ADAM20: variants seen among roughly 807,000 people sequenced by gnomAD.
ADAM20 encodes disintegrin and metalloproteinase domain-containing protein 20.
For synonymous variants in ADAM20, 305 were observed against 310.2 expected, an observed-to-expected ratio of 0.98 and a Z score of 0.18; for missense variants, 871 against 883.2, an observed-to-expected ratio of 0.99 and a Z score of 0.18.
the ADAM20 span, among the ~76,000 whole-genome samples, chr14:70,540,268 C>T: frequency 6.6e-6 from 1 of 152,234 alleles, no homozygotes; most frequent in Admixed American, 6.5e-5. Context: ...ATTGGATCTT[C>T]TTCTGGTTGT....
At chr14:70,562,243 T>C in the ADAM20 span, among the ~76,000 whole-genome samples, 1 of 152,274 alleles carries the variant, frequency 6.6e-6, no homozygotes, top group Non-Finnish European at 1.5e-5. Flanking sequence ...ATTTAATGAC[T>C]GCCCTATTGG....
At chr14:70,567,086 C>T in the ADAM20 span, among the ~76,000 whole-genome samples, 1 of 152,178 alleles carries the variant, frequency 6.6e-6, no homozygotes, top group African/African-American at 2.4e-5. Flanking sequence ...TAGGGCAAAG[C>T]TATCGGTGGT....
At chr14:70,566,508 GAAGA>G in the ADAM20 span, among the ~76,000 whole-genome samples, 11 of 151,770 alleles carry the variant, frequency 7.2e-5, no homozygotes, top group African/African-American at 1.9e-4. Flanking sequence ...AAGGGGAGGA[GAAGA>G]AAGAAAGAAA....
At chr14:70,524,984 A>T (rs1448672541) in intron 1 of ADAM20, 51 bp from the exon 2 acceptor site, 1 of 1,453,260 alleles carries the variant, frequency 6.9e-7, no homozygotes, top group African/African-American at 1.4e-5. Flanking sequence ...AAAGAGAGAG[A>T]GAAAAAAGGC....
the ADAM20 span, among the ~76,000 whole-genome samples, chr14:70,567,127 A>T: frequency 2.0e-5 from 3 of 152,226 alleles, no homozygotes; most frequent in Non-Finnish European, 4.4e-5. Context: ...ATAGAGAACC[A>T]GCTGGCTAGC....
rs45622834 is a variant in ADAM20, at chr14:70,523,631, A to C, written c.1127T>G (p.Phe376Cys). ...ATATTGGGCATAACTGCAGTTGCTA[A>C]ATTTAGTTGTCACCTTTCTATAGGC... ...MHAYRKVTTKFSNCSYAQYWD... is the reference protein window; with the variant it reads ...MHAYRKVTTKCSNCSYAQYWD... Residue 376 changes from phenylalanine to cysteine, a missense_variant, in exon 2 of 2, where the codon TTT becomes TGT. Transcript: ENST00000256389. The C allele has an allele frequency of 4.7e-4, 751 of 1,614,044 alleles. 1 individual carries two copies. Among genetic ancestry groups the C allele is most frequent in the Non-Finnish European group, 5.7e-4 (671 of 1,179,982 alleles).
Position 70,524,243 on chromosome 14 carries a change from C to A in ADAM20, c.515G>T (p.Arg172Ile), listed in dbSNP as rs747423661. The change falls in exon 2 of 2, where the codon AGA (arginine) becomes ATA (isoleucine). Residue 172 changes from arginine to isoleucine, a missense_variant. By Grantham distance (97) the Arg-to-Ile change is moderately conservative (BLOSUM62 -3). Coordinates refer to ENST00000256389, the MANE Select transcript of ADAM20 (RefSeq NM_003814.5). Reference sequence around the variant, plus strand: ...TATTTTCTCTTCTGTTAACCCACATCTCATAGGTGGAAACTGTGTATCATC... The same window carrying A: ...TATTTTCTCTTCTGTTAACCCACATATCATAGGTGGAAACTGTGTATCATC... ...DSDDTQFPPMRCGLTEEKIAH... is the reference protein window; with the variant it reads ...DSDDTQFPPMICGLTEEKIAH... 1.2e-5 allele frequency: 19 copies of A among 1,614,004 alleles called. No individual in the cohort carries two copies. In the South Asian group the frequency reaches 2.1e-4, roughly 18 times the overall value.
chr14:70,547,202 GAA>G, the ADAM20 span: 1 of 152,248 alleles, frequency 6.6e-6, no homozygotes, highest in Non-Finnish European at 1.5e-5. Context: ...AAGCCATAAT[GAA>G]AAGTCTCTCA....
At chr14:70,536,465 CAAAAAAAAAAAAAAAAAAAAA>C (rs56738784), upstream of ADAM20, among the ~76,000 whole-genome samples, 5 of 43,130 alleles carry the variant, frequency 1.2e-4, no homozygotes, top group East Asian at 2.6e-3. Flanking sequence ...AACTCTGTCT[CAAAAAAAAAAAAAAAAAAAAA>C]AAAAAAAAAA....
At chr14:70,573,049 G>C in the ADAM20 span, among the ~76,000 whole-genome samples, 304 of 152,188 alleles carry the variant, frequency 2.0e-3, 1 homozygote, top group African/African-American at 6.9e-3. Flanking sequence ...AACTAAAATA[G>C]AACTACCATT....
the ADAM20 span, among the ~76,000 whole-genome samples, chr14:70,565,942 A>C: frequency 6.6e-6 from 1 of 152,124 alleles, no homozygotes; most frequent in Admixed American, 6.5e-5. Flanking sequence ...GAAAAAAAAA[A>C]AACTACTAAC....
At chr14:70,555,951 G>C in the ADAM20 span, among the ~76,000 whole-genome samples, 1 of 152,176 alleles carries the variant, frequency 6.6e-6, no homozygotes, top group Admixed American at 6.5e-5. Flanking sequence ...CCAAGGACGA[G>C]AAACCACTCC....
intron 1 of ADAM20, among the ~76,000 whole-genome samples, chr14:70,525,199 T>G (rs1883562886): frequency 6.6e-6 from 1 of 152,172 alleles, no homozygotes; most frequent in Non-Finnish European, 1.5e-5. Flanking sequence ...TTTATTTTAA[T>G]GTATGTATTT....
At chr14:70,542,704 C>T in the ADAM20 span, among the ~76,000 whole-genome samples, 38 of 152,238 alleles carry the variant, frequency 2.5e-4, no homozygotes, top group Non-Finnish European at 4.7e-4. Context: ...TTTGGGAGGC[C>T]AAGGTGGGCG....
Position 70,523,920 on chromosome 14 carries a change from A to G in ADAM20, c.838T>C (p.Ser280Pro), listed in dbSNP as rs1883518948. 1 of 1,614,054 alleles carries G rather than the reference A, an allele frequency of 6.2e-7. No homozygotes were observed. Among genetic ancestry groups the G allele is most frequent in the Non-Finnish European group, 8.5e-7 (1 of 1,179,962 alleles). Residue 280 changes from serine (S) to proline (P), a missense_variant, in exon 2 of 2, where the codon TCT (serine) becomes CCT (proline). Ser to Pro is a moderately conservative substitution (Grantham distance 74). Transcript: ENST00000256389. ...GDLDNVLEDF[S>P]IWKNYNLNNR... ...TTAAGGTTATAATTCTTCCAAATAG[A>G]AAAGTCCTCTAAAACATTATCTAGG...
At chr14:70,546,857 T>A in the ADAM20 span, among the ~76,000 whole-genome samples, 1 of 151,850 alleles carries the variant, frequency 6.6e-6, no homozygotes, top group Non-Finnish European at 1.5e-5. Context: ...AAGATCAACA[T>A]TTAAAGAAAT....
chr14:70,554,128 A>G, the ADAM20 span, among the ~76,000 whole-genome samples: 1 of 152,230 alleles, frequency 6.6e-6, no homozygotes, highest in South Asian at 2.1e-4. Flanking sequence ...ATAACAGTGA[A>G]CAATCTGAAA....
Position 70,523,847 on chromosome 14 carries a change from T to C in ADAM20, c.911A>G (p.Gln304Arg). 2 of 1,613,944 alleles carry C rather than the reference T, an allele frequency of 1.2e-6. No individual in the cohort carries two copies. The highest frequency in any genetic ancestry group is 1.7e-6 in the Non-Finnish European group (2 of 1,179,908). The change falls in exon 2 of 2, where the codon CAA becomes CGA. Residue 304 changes from glutamine (Q) to arginine (R), a missense_variant. Gln to Arg is a conservative substitution (Grantham distance 43). Coordinates refer to ENST00000256389, the MANE Select transcript of ADAM20 (RefSeq NM_003814.5). ...DVAHLFIKDTQGMKLGVAYVK... is the reference protein window; with the variant it reads ...DVAHLFIKDTRGMKLGVAYVK... Reference sequence around the variant, plus strand: ...ATAGGCAACACCAAGCTTCATGCCTTGTGTGTCTTTTATGAAAAGATGTGC... The same window carrying C: ...ATAGGCAACACCAAGCTTCATGCCTCGTGTGTCTTTTATGAAAAGATGTGC...
chr14:70,532,736 CAGG>C (rs546270804), intron 1 of ADAM20, among the ~76,000 whole-genome samples: 62 of 152,230 alleles, frequency 4.1e-4, no homozygotes, highest in African/African-American at 1.3e-3. Flanking sequence ...GCCTACATGA[CAGG>C]AGAAGTATTT....
Sources: allele counts gnomAD v4.1 joint callset (sites outside exome capture counted in the v4.1 genomes callset), GRCh38; gene constraint gnomAD v4.1.1; transcripts MANE v1.5; gene names NCBI Gene and HGNC (gene_info 2026-07-23, HGNC 2026-07-21).